The following PTPDC1 variants were observed in gnomAD, a reference collection of about 807,000 sequenced individuals.
PTPDC1 encodes the protein protein tyrosine phosphatase domain containing 1.
Under a neutral mutation model 75.3 loss-of-function variants are expected in PTPDC1, and 53 were observed. That is an observed-to-expected ratio of 0.70 (90% CI 0.56 to 0.88). PTPDC1 has a LOEUF of 0.88. Ranked by LOEUF, PTPDC1 falls within the 40% of genes least tolerant of loss-of-function variation. The pLI is 0.00. For synonymous variants in PTPDC1, 349 were observed against 366.2 expected, an observed-to-expected ratio of 0.95 and a Z score of 0.54; for missense variants, 925 against 998.6, an observed-to-expected ratio of 0.93 and a Z score of 0.99.
At chr9:94,089,442 T>C (rs1827210628) in intron 4 of PTPDC1, among the ~76,000 whole-genome samples, 1 of 126,402 alleles carries the variant, frequency 7.9e-6, no homozygotes, top group African/African-American at 3.0e-5. Flanking sequence ...TATTCCATGG[T>C]GTATATGTGC....
Position 94,095,198 on chromosome 9 carries a change from T to C in PTPDC1, c.617-119T>C, listed in dbSNP as rs1012697095. 2.2e-5 allele frequency: 15 copies of C among 693,206 alleles called. No homozygotes were observed. The Admixed American group carries it at 3.5e-4, about 16-fold the overall frequency. The allele number at this position is 693,206 out of a possible 1,614,324, so 42.9% of individuals were successfully genotyped here. ...GTAAAATCCCTCTTATTTTATGCAG[T>C]GTATGCACTGAGATCTACATGCCTC... is the stretch of plus-strand genomic sequence containing the variant. On this transcript the variant is annotated intron_variant, in intron 4 of 8. Coordinates refer to ENST00000620992, the MANE Select transcript of PTPDC1 (RefSeq NM_001253829.2).
chr9:94,050,118 AT>A (rs201971520), intron 1 of PTPDC1, among the ~76,000 whole-genome samples: 25,425 of 151,514 alleles, frequency 0.17, 2,439 homozygotes, highest in Non-Finnish European at 0.22. Flanking sequence ...CATTCATCTA[AT>A]TTTTTTTCAA....
rs200873026 is a variant in PTPDC1 at position 94,036,023 on chromosome 9, G to GTTTTTT, written c.-7+4902_-7+4907dup. Among the ~76,000 whole-genome samples, 148 of 85,418 alleles carry GTTTTTT rather than the reference G, an allele frequency of 1.7e-3. 3 individuals are homozygous for GTTTTTT. The highest frequency in any genetic ancestry group is 7.2e-3 in the Middle Eastern group (1 of 138). The allele number at this position is 85,418 out of a possible 152,430, so 56.0% of individuals were successfully genotyped here. On this transcript the variant is annotated intron_variant, in intron 1 of 9. Coordinates refer to the PTPDC1 transcript ENST00000375360. ...TTGCCCATTTTTAATCGGATTATTT[G>GTTTTTT]TTTTTTTTTTTGTTTTTTTTTTGCT...
intron 1 of PTPDC1, among the ~76,000 whole-genome samples, chr9:94,054,989 A>T (rs1405077077): frequency 1.3e-5 from 2 of 152,212 alleles, no homozygotes; most frequent in African/African-American, 4.8e-5. Flanking sequence ...GCTGCCTTAT[A>T]AAAAGCCAAT....
chr9:94,097,417 C>A lies in PTPDC1; in HGVS notation c.851C>A (p.Thr284Asn), dbSNP rs1200712895. The A allele has an allele frequency of 6.8e-6, 11 of 1,613,758 alleles. No individual in the cohort carries two copies. Among genetic ancestry groups the A allele is most frequent in the Non-Finnish European group, 9.3e-6 (11 of 1,179,764 alleles). ...VRAKRPNSIQ[T>N]RGQLLCVREF... ...GCAAAGCGACCCAATTCCATACAAA[C>A]CAGAGGACAGCTCCTCTGTGTAAGG... Residue 284 changes from threonine to asparagine, a missense_variant, in exon 6 of 9, where the codon ACC becomes AAC. Transcript: ENST00000620992.
At chr9:94,081,603 A>G (rs1383575472), upstream of PTPDC1, among the ~76,000 whole-genome samples, 3 of 152,228 alleles carry the variant, frequency 2.0e-5, no homozygotes, top group Non-Finnish European at 4.4e-5. Context: ...AGAAACTCTA[A>G]AAAGTCCACC....
chr9:94,047,550 C>T (rs1342032251), intron 1 of PTPDC1, among the ~76,000 whole-genome samples: 1 of 151,938 alleles, frequency 6.6e-6, no homozygotes, highest in Admixed American at 6.6e-5. Context: ...TAGCAGAAGG[C>T]AAGAAATAAC....
intron 2 of PTPDC1, among the ~76,000 whole-genome samples, chr9:94,067,622 A>G (rs1010465040): frequency 1.8e-4 from 28 of 152,062 alleles, no homozygotes; most frequent in African/African-American, 6.7e-4. Context: ...TTTAGCTTCA[A>G]TCTCTTTTCT....
At position 94,098,449 on chromosome 9, in the gene PTPDC1, C is replaced by T; in HGVS notation, c.1883C>T (p.Ala628Val). 6.2e-7 allele frequency: 1 copy of T among 1,614,200 alleles called. No individual in the cohort carries two copies. The highest frequency in any genetic ancestry group is 8.5e-7 in the Non-Finnish European group (1 of 1,180,032). ...CAGGACAGTAAAGATCTGTCTGAAG[C>T]AGCTTCACACTCTGCATTACAGTCT... is the stretch of plus-strand genomic sequence containing the variant. ...ETQDSKDLSE[A>V]ASHSALQSEL... Residue 628 changes from alanine to valine, a missense_variant, in exon 6 of 9, where the codon GCA (alanine) becomes GTA (valine). Physicochemically the swap from Ala to Val is moderately conservative, Grantham distance 64 (BLOSUM62 0). Coordinates refer to ENST00000620992, the MANE Select transcript of PTPDC1 (RefSeq NM_001253829.2).
rs1827508935 is a variant in PTPDC1 at position 94,095,170 on chromosome 9, A to G, written c.617-147A>G. On this transcript the variant is annotated intron_variant, in intron 4 of 8. Transcript: ENST00000620992. ...AAATGTTAACAGTAAAGTTACTGGG[A>G]ATGTAAAATCCCTCTTATTTTATGC... 3 of 554,588 alleles carry G rather than the reference A, an allele frequency of 5.4e-6. No individual in the cohort carries two copies. In the South Asian group the frequency reaches 8.5e-5, roughly 16 times the overall value. The allele number at this position is 554,588 out of a possible 1,614,324, so 34.4% of individuals were successfully genotyped here.
At position 94,097,518 on chromosome 9, in the gene PTPDC1, C is replaced by G. The variant is rs1199540775; in HGVS notation, c.952C>G (p.Pro318Ala). The G allele has an allele frequency of 2.5e-6, 4 of 1,614,042 alleles. No individual in the cohort carries two copies. In the African/African-American group the frequency reaches 5.3e-5, roughly 22 times the overall value. The part of the protein sequence containing the change: ...CDPKAHAVTL[P>A]QYLIRQRHLL... ...TCCCAAAGCACATGCTGTCACCTTACCTCAATATCTAATTCGCCAGCGTCA... is the reference window on the plus strand; with the variant it reads ...TCCCAAAGCACATGCTGTCACCTTAGCTCAATATCTAATTCGCCAGCGTCA... The change falls in exon 6 of 9, where the codon CCT becomes GCT. Residue 318 changes from proline to alanine, a missense_variant. By Grantham distance (27) the Pro-to-Ala change is conservative (BLOSUM62 -1). Coordinates refer to ENST00000620992, the MANE Select transcript of PTPDC1 (RefSeq NM_001253829.2).
At chr9:94,074,166 G>T (rs1315466640) in intron 2 of PTPDC1, among the ~76,000 whole-genome samples, 1 of 152,046 alleles carries the variant, frequency 6.6e-6, no homozygotes, top group African/African-American at 2.4e-5. Context: ...CGCTTGTCAG[G>T]CAGTGTTCTT....
chr9:94,102,976 ATCT>A (rs1192300546), intron 7 of PTPDC1, among the ~76,000 whole-genome samples: 9 of 150,064 alleles, frequency 6.0e-5, no homozygotes, highest in Admixed American at 4.7e-4. Context: ...TTCACTAAAA[ATCT>A]TCTGCTGTTA....
intron 1 of PTPDC1, among the ~76,000 whole-genome samples, chr9:94,043,556 C>CA (rs1300332230): frequency 2.6e-5 from 4 of 152,054 alleles, no homozygotes; most frequent in South Asian, 2.1e-4. Context: ...CCCCCCTCTA[C>CA]AAAAAATACA....
Position 94,104,293 on chromosome 9 carries a change from C to A in PTPDC1, c.2218C>A (p.Leu740Ile), listed in dbSNP as rs1257235900. The A allele has an allele frequency of 1.2e-6, 2 of 1,613,370 alleles. No individual in the cohort carries two copies. Among genetic ancestry groups the A allele is most frequent in the South Asian group, 2.2e-5 (2 of 91,044 alleles). Residue 740 changes from leucine (L) to isoleucine (I), a missense_variant, in exon 8 of 9, where the codon CTC becomes ATC. Physicochemically the swap from Leu to Ile is conservative, Grantham distance 5 (BLOSUM62 2). Coordinates refer to ENST00000620992, the MANE Select transcript of PTPDC1 (RefSeq NM_001253829.2). ...AAAACAGGGACAGCACCAGACTATTCTCTGCGTGTTGCACTGCATAGTGAA... is the reference window on the plus strand; with the variant it reads ...AAAACAGGGACAGCACCAGACTATTATCTGCGTGTTGCACTGCATAGTGAA... ...LLEKGQHQTI[L>I]CVLHCIVNLQ...
chr9:94,072,328 A>G (rs1826538705), intron 2 of PTPDC1, among the ~76,000 whole-genome samples: 1 of 152,074 alleles, frequency 6.6e-6, no homozygotes. Context: ...TTTTAAATGC[A>G]GTTTCCACAT....
At chr9:94,079,253 CT>C (rs1826798608) in intron 2 of PTPDC1, among the ~76,000 whole-genome samples, 1 of 152,092 alleles carries the variant, frequency 6.6e-6, no homozygotes, top group African/African-American at 2.4e-5. Flanking sequence ...AGGGCATGGC[CT>C]TGGTCAAGCA....
intron 1 of PTPDC1, among the ~76,000 whole-genome samples, chr9:94,051,752 A>G (rs1825798656): frequency 6.6e-6 from 1 of 152,208 alleles, no homozygotes; most frequent in African/African-American, 2.4e-5. Context: ...ATTTATAGGC[A>G]CAGATTTACT....
chr9:94,098,214 G>C lies in PTPDC1; in HGVS notation c.1648G>C (p.Gly550Arg). 2 of 1,614,206 alleles carry C rather than the reference G, an allele frequency of 1.2e-6. No individual in the cohort carries two copies. Among genetic ancestry groups the C allele is most frequent in the Non-Finnish European group, 1.7e-6 (2 of 1,180,042 alleles). The change falls in exon 6 of 9, where the codon GGC becomes CGC. Residue 550 changes from glycine to arginine, a missense_variant. Transcript: ENST00000620992. ...QSGAFSADVS[G>R]SHSPGEPVSP... ...TGGAGCTTTCTCTGCAGATGTTTCA[G>C]GCTCACACAGCCCTGGGGAGCCAGT... is the stretch of plus-strand genomic sequence containing the variant.
Sources: gnomAD v4.1 joint callset for allele counts (sites outside exome capture counted in the v4.1 genomes callset) on GRCh38, gnomAD v4.1.1 for gene constraint, MANE v1.5 for transcripts, NCBI Gene and HGNC (gene_info 2026-07-23, HGNC 2026-07-21) for gene names.